PDGFRA: variants seen among roughly 807,000 people sequenced by gnomAD.
The protein encoded by PDGFRA is platelet derived growth factor receptor alpha.
Under a neutral mutation model 121.5 loss-of-function variants are expected in PDGFRA, and 25 were observed. The ratio of observed to expected loss-of-function variants is 0.21; its 90% CI spans 0.15 to 0.29. The LOEUF is 0.29. Among genes scored for constraint, PDGFRA ranks in the 10% least tolerant of loss-of-function variants. The pLI is 1.00. For synonymous variants in PDGFRA, 463 were observed against 494.8 expected (o/e 0.94, Z 0.85); for missense variants, 1,008 against 1,345.1 (o/e 0.75, Z 3.92).
chr4:54,251,265 A>C (rs953624165), intron 1 of PDGFRA, among the ~76,000 whole-genome samples: 9 of 152,172 alleles, frequency 5.9e-5, no homozygotes, highest in African/African-American at 2.2e-4. Context: ...TTTTTGCTTA[A>C]AACATTGCAT....
At chr4:54,268,809 A>T (rs1723176868) in intron 7 of PDGFRA, among the ~76,000 whole-genome samples, 1 of 152,228 alleles carries the variant, frequency 6.6e-6, no homozygotes, top group Non-Finnish European at 1.5e-5. Flanking sequence ...AGAGAGGAAT[A>T]GGGTAACAAC....
rs2110251008 is a variant in PDGFRA, at chr4:54,263,713, C to T, written c.414C>T (p.Val138=). ...CTCTAGGAATGACGGATTATTTAGT[C>T]ATCGTGGAGGATGATGATTCTGCCA... ...FVPLGMTDYL[V]IVEDDDSAII... The change falls in exon 4 of 23, where the codon GTC becomes GTT. Residue 138 remains valine, a synonymous_variant. Coordinates refer to ENST00000257290, the MANE Select transcript of PDGFRA (RefSeq NM_006206.6). 6.2e-7 allele frequency: 1 copy of T among 1,613,808 alleles called. No individual in the cohort carries two copies. Among genetic ancestry groups the T allele is most frequent in the South Asian group, 1.1e-5 (1 of 91,076 alleles).
Position 54,266,996 on chromosome 4 carries a change from A to G in PDGFRA, c.760-293A>G, listed in dbSNP as rs143581635. On this transcript the variant is annotated intron_variant, in intron 5 of 22. Transcript: ENST00000257290. ...GATTCTGTCTCTAAAAAAATTAAAA[A>G]CAAAATAAAAAATCTCATGATTTTC... is the stretch of plus-strand genomic sequence containing the variant. Among the ~76,000 whole-genome samples the G allele has an allele frequency of 3.9e-3, 588 of 152,286 alleles. 3 individuals carry two copies. Among genetic ancestry groups the G allele is most frequent in the African/African-American group, 0.013 (552 of 41,562 alleles).
chr4:54,259,272 G>T (rs969761188), intron 2 of PDGFRA, among the ~76,000 whole-genome samples: 2 of 151,998 alleles, frequency 1.3e-5, no homozygotes, highest in Non-Finnish European at 2.9e-5. Flanking sequence ...TTATGCCTGT[G>T]ACTAGCCACC....
Position 54,261,359 on chromosome 4 carries a change from C to T in PDGFRA, c.314C>T (p.Thr105Ile), listed in dbSNP as rs753461949. The change falls in exon 3 of 23, where the codon ACT (threonine) becomes ATT (isoleucine). Residue 105 changes from threonine to isoleucine, a missense_variant. Thr to Ile is a moderately conservative substitution (Grantham distance 89, BLOSUM62 -1). Around this residue, in one of 5 missense-constraint regions of PDGFRA, gnomAD observed 575 missense variants for 701.8 expected, o/e 0.82. Coordinates refer to ENST00000257290, the MANE Select transcript of PDGFRA (RefSeq NM_006206.6). ...TGLYTCYYNHTQTEENELEGR... is the reference protein window; with the variant it reads ...TGLYTCYYNHIQTEENELEGR... ...TTGTACACTTGCTATTACAACCACA[C>T]TCAGACAGAAGAGAATGAGCTTGAA... 1.2e-6 allele frequency: 2 copies of T among 1,614,156 alleles called. No homozygotes were observed. Among genetic ancestry groups the T allele is most frequent in the East Asian group, 2.2e-5 (1 of 44,874 alleles).
At chr4:54,244,295 C>A (rs967907824) in intron 1 of PDGFRA, among the ~76,000 whole-genome samples, 3 of 152,196 alleles carry the variant, frequency 2.0e-5, no homozygotes, top group African/African-American at 7.2e-5. Flanking sequence ...GACCCCTGAG[C>A]AGCCTAACTG....
intron 18 of PDGFRA, 119 bp from the exon 19 acceptor site, chr4:54,287,311 A>G: frequency 1.3e-6 from 1 of 760,348 alleles, no homozygotes; most frequent in Non-Finnish European, 2.4e-6. Flanking sequence ...AGACACTCAA[A>G]TGGGACAAGA....
chr4:54,231,536 C>G (rs1720669850), intron 1 of PDGFRA, among the ~76,000 whole-genome samples: 1 of 152,264 alleles, frequency 6.6e-6, no homozygotes, highest in South Asian at 2.1e-4. Context: ...GACCCCTAAT[C>G]TGGTCAACCT....
Position 54,274,854 on chromosome 4 carries a change from A to G in PDGFRA, c.1667A>G (p.Glu556Gly), listed in dbSNP as rs2110299303. ...GGTCATTTATAGAAACCGAGGTATGAAATTCGCTGGAGGGTCATTGAATCA... is the reference window on the plus strand; with the variant it reads ...GGTCATTTATAGAAACCGAGGTATGGAATTCGCTGGAGGGTCATTGAATCA... ...VVIWKQKPRYEIRWRVIESIS... is the reference protein window; with the variant it reads ...VVIWKQKPRYGIRWRVIESIS... The change falls in exon 12 of 23, where the codon GAA (glutamate) becomes GGA (glycine). Residue 556 changes from glutamate (E) to glycine (G), a missense_variant. By Grantham distance (98) the Glu-to-Gly change is moderately conservative. This residue lies in a region of PDGFRA where 575 missense variants were observed against 701.8 expected (regional missense o/e 0.82). Transcript: ENST00000257290. 1 of 1,614,134 alleles carries G rather than the reference A, an allele frequency of 6.2e-7. No homozygotes were observed.
At position 54,283,141 on chromosome 4, in the gene PDGFRA, G is replaced by A. The variant is rs111607784; in HGVS notation, c.2324-2230G>A. Reference sequence around the variant, plus strand: ...CATGGAGGATGGTGGCCCTCCCCTCGTAGCTTCACGAGGCAGTGCCCCAGT... The same window carrying A: ...CATGGAGGATGGTGGCCCTCCCCTCATAGCTTCACGAGGCAGTGCCCCAGT... On this transcript the variant is annotated intron_variant, in intron 16 of 22. Coordinates refer to ENST00000257290, the MANE Select transcript of PDGFRA (RefSeq NM_006206.6). Among the ~76,000 whole-genome samples, 983 of 152,230 alleles carry A rather than the reference G, an allele frequency of 6.5e-3. 10 individuals are homozygous for A. Among genetic ancestry groups the A allele is most frequent in the African/African-American group, 0.022 (929 of 41,540 alleles).
At chr4:54,290,710 A>T (rs1289040641) in intron 22 of PDGFRA, among the ~76,000 whole-genome samples, 156 bp downstream of exon 22, 6 of 152,180 alleles carry the variant, frequency 3.9e-5, no homozygotes, top group Non-Finnish European at 8.8e-5. Context: ...TGGTTTTGAA[A>T]ATGCTTCCCA....
chr4:54,274,257 C>T (rs1400736431), intron 10 of PDGFRA, among the ~76,000 whole-genome samples: 1 of 152,162 alleles, frequency 6.6e-6, no homozygotes, highest in Non-Finnish European at 1.5e-5. Flanking sequence ...AAATTCTGTC[C>T]ACAAGGTTAC....
intron 1 of PDGFRA, among the ~76,000 whole-genome samples, chr4:54,237,288 G>T (rs1440287187): frequency 6.6e-6 from 1 of 152,138 alleles, no homozygotes; most frequent in African/African-American, 2.4e-5. Context: ...CACTTTATAT[G>T]TCAGTAAATA....
intron 1 of PDGFRA, among the ~76,000 whole-genome samples, chr4:54,242,098 C>T (rs1279613750): frequency 6.6e-6 from 1 of 152,140 alleles, no homozygotes; most frequent in African/African-American, 2.4e-5. Flanking sequence ...GTGGTTGTTT[C>T]AGGCTGTGGC....
intron 1 of PDGFRA, among the ~76,000 whole-genome samples, chr4:54,233,303 C>T (rs532624306): frequency 6.6e-6 from 1 of 152,300 alleles, no homozygotes; most frequent in South Asian, 2.1e-4. Context: ...TCCTCTGGGT[C>T]CCGGGGTCAG....
intron 1 of PDGFRA, among the ~76,000 whole-genome samples, chr4:54,234,568 G>T (rs1224359398): frequency 4.6e-5 from 7 of 152,072 alleles, no homozygotes; most frequent in Non-Finnish European, 8.8e-5. Context: ...ATTTTCTTTT[G>T]CTGTGAGGCT....
intron 1 of PDGFRA, among the ~76,000 whole-genome samples, chr4:54,256,380 C>T (rs758223308): frequency 1.8e-4 from 28 of 151,832 alleles, no homozygotes; most frequent in Admixed American, 5.9e-4. Context: ...GAATTAGAGG[C>T]GCACACCACC....
intron 10 of PDGFRA, among the ~76,000 whole-genome samples, chr4:54,274,023 C>T (rs1303649581): frequency 2.0e-5 from 3 of 152,184 alleles, no homozygotes; most frequent in Non-Finnish European, 4.4e-5. Flanking sequence ...AGAGGCCCCT[C>T]AACATTTTGC....
intron 19 of PDGFRA, among the ~76,000 whole-genome samples, chr4:54,288,080 T>A (rs1452729310): frequency 6.6e-6 from 1 of 152,142 alleles, no homozygotes; most frequent in Non-Finnish European, 1.5e-5. Context: ...GACATCTGGA[T>A]GGTTCATCTG....
Sources: gnomAD v4.1 joint callset for allele counts (sites outside exome capture counted in the v4.1 genomes callset) on GRCh38, gnomAD v4.1.1 for gene constraint, gnomAD v4.1.1 regional missense constraint, MANE v1.5 for transcripts, NCBI Gene and HGNC (gene_info 2026-07-23, HGNC 2026-07-21) for gene names.